SNTG1: variants seen among roughly 807,000 people sequenced by gnomAD.
SNTG1 encodes syntrophin gamma 1.
In SNTG1, 39 loss-of-function variants were observed where a neutral mutation model predicts 74.7. That is an observed-to-expected ratio of 0.52 (90% CI 0.40 to 0.68). The LOEUF (loss-of-function observed/expected upper bound fraction) is 0.68, where lower values mean the gene tolerates loss of function less well. Among genes scored for constraint, SNTG1 ranks in the 30% least tolerant of loss-of-function variants. SNTG1 has a pLI of 0.00. For missense variants in SNTG1, 685 were observed against 609.5 expected (o/e 1.12, Z -1.30); for synonymous variants, 254 against 217.1 (o/e 1.17, Z -1.49).
In SNTG1 at chr8:50,253,072, G is replaced by A. The variant is rs573923336; in HGVS notation, c.-28+80437G>A. On this transcript the variant is annotated intron_variant, in intron 2 of 18. Coordinates refer to ENST00000642720, the MANE Select transcript of SNTG1 (RefSeq NM_018967.5). Reference sequence around the variant, plus strand: ...AGAGACAGGGGAACATTTACACACCGTTGGTGGGACTGTAAATCCGTACAG... The same window carrying A: ...AGAGACAGGGGAACATTTACACACCATTGGTGGGACTGTAAATCCGTACAG... Among the ~76,000 whole-genome samples, 57 of 152,216 alleles carry A rather than the reference G, an allele frequency of 3.7e-4. 1 individual carries two copies. In the South Asian group the frequency reaches 4.4e-3, roughly 12 times the overall value.
At chr8:50,463,633 G>A (rs2093585887) in intron 8 of SNTG1, among the ~76,000 whole-genome samples, 1 of 152,104 alleles carries the variant, frequency 6.6e-6, no homozygotes, top group South Asian at 2.1e-4. Flanking sequence ...CAGATGTCCT[G>A]TCATCTAGGC....
intron 2 of SNTG1, among the ~76,000 whole-genome samples, chr8:50,380,772 G>A (rs185888324): frequency 1.3e-5 from 2 of 152,262 alleles, no homozygotes; most frequent in Non-Finnish European, 1.5e-5. Flanking sequence ...CAAAGATGAA[G>A]TTTAATCAAC....
At chr8:50,453,504 G>C (rs750063655) in intron 8 of SNTG1, among the ~76,000 whole-genome samples, 32 of 152,104 alleles carry the variant, frequency 2.1e-4, no homozygotes, top group Non-Finnish European at 3.4e-4. Context: ...TGCACACATA[G>C]GGCTTCAATG....
At chr8:50,680,135 A>G (rs979296723) in intron 15 of SNTG1, among the ~76,000 whole-genome samples, 1 of 152,078 alleles carries the variant, frequency 6.6e-6, no homozygotes, top group African/African-American at 2.4e-5. Flanking sequence ...AATTCCTAAA[A>G]CTTGCTGAAT....
chr8:50,063,548 C>A (rs1399519945), intron 1 of SNTG1, among the ~76,000 whole-genome samples: 1 of 152,180 alleles, frequency 6.6e-6, no homozygotes, highest in East Asian at 1.9e-4. Flanking sequence ...ATTGGCTTAT[C>A]CCCCTGAGGA....
Position 50,565,757 on chromosome 8 carries a change from AC to A in SNTG1, c.810+12579del, listed in dbSNP as rs2094513101. Among the ~76,000 whole-genome samples the A allele has an allele frequency of 2.0e-5, 3 of 152,178 alleles. No individual in the cohort carries two copies. In the South Asian group the frequency reaches 6.2e-4, roughly 32 times the overall value. ...TTAGCACATAAGCAAATGTGAAATT[AC>A]AACATTCATAGATAATATGAATAAG... On this transcript the variant is annotated intron_variant, in intron 12 of 18. Transcript: ENST00000642720.
At chr8:50,053,847 G>T (rs140655312) in intron 1 of SNTG1, among the ~76,000 whole-genome samples, 1 of 151,772 alleles carries the variant, frequency 6.6e-6, no homozygotes, top group Non-Finnish European at 1.5e-5. Context: ...TCATTTTTCT[G>T]ATGACTTCTC....
intron 1 of SNTG1, among the ~76,000 whole-genome samples, chr8:50,072,787 T>G (rs1821489540): frequency 6.6e-6 from 1 of 152,196 alleles, no homozygotes; most frequent in Admixed American, 6.5e-5. Context: ...AAGGTGAATA[T>G]TGTAATAAAG....
At chr8:50,394,181 C>T (rs2092698771) in intron 2 of SNTG1, 31 bp from the exon 3 acceptor site, 1 of 1,584,142 alleles carries the variant, frequency 6.3e-7, no homozygotes, top group Non-Finnish European at 8.6e-7. Context: ...CATGCTGTGC[C>T]TAATGGCTTA....
intron 2 of SNTG1, among the ~76,000 whole-genome samples, chr8:50,298,810 A>G (rs1287346746): frequency 6.6e-6 from 1 of 152,140 alleles, no homozygotes; most frequent in South Asian, 2.1e-4. Flanking sequence ...TCTGTGTTTC[A>G]GGCTAGGGTT....
chr8:50,230,101 C>T (rs1002497865), intron 2 of SNTG1, among the ~76,000 whole-genome samples: 1 of 151,318 alleles, frequency 6.6e-6, no homozygotes, highest in African/African-American at 2.4e-5. Context: ...GGGTGATTTA[C>T]AGCATTAACA....
chr8:50,078,817 GT>G (rs1480138257), intron 1 of SNTG1, among the ~76,000 whole-genome samples: 1 of 152,104 alleles, frequency 6.6e-6, no homozygotes, highest in African/African-American at 2.4e-5. Context: ...GCAGTTTTTG[GT>G]TTTCTGTTCC....
intron 2 of SNTG1, among the ~76,000 whole-genome samples, chr8:50,269,538 A>T (rs992434264): frequency 3.3e-5 from 5 of 152,126 alleles, no homozygotes; most frequent in Admixed American, 6.6e-5. Context: ...AAATTAATGC[A>T]AAATAAAAAG....
chr8:50,467,894 T>A (rs2131723985), intron 8 of SNTG1, among the ~76,000 whole-genome samples: 1 of 151,960 alleles, frequency 6.6e-6, no homozygotes, highest in East Asian at 1.9e-4. Context: ...ATGACTCACA[T>A]GCTATATAGA....
chr8:50,200,754 T>A (rs2083956250), intron 2 of SNTG1, among the ~76,000 whole-genome samples: 2 of 152,060 alleles, frequency 1.3e-5, no homozygotes, highest in Middle Eastern at 3.4e-3. Flanking sequence ...TAGGCCTCTG[T>A]GAAGGGAAGG....
intron 2 of SNTG1, among the ~76,000 whole-genome samples, chr8:50,276,376 TA>T (rs2088106403): frequency 1.2e-3 from 2 of 1,638 alleles, no homozygotes; most frequent in African/African-American, 1.3e-3. Context: ...GTAAATTTTA[TA>T]TATATATATA....
chr8:50,484,153 C>CTTCT (rs1563453629), intron 8 of SNTG1, among the ~76,000 whole-genome samples: 2 of 32,942 alleles, frequency 6.1e-5, no homozygotes, highest in African/African-American at 1.8e-4. Flanking sequence ...TCTTTCTTTC[C>CTTCT]TTCCTTCCTT....
At chr8:50,661,176 C>G (rs987543232) in intron 15 of SNTG1, among the ~76,000 whole-genome samples, 1 of 152,002 alleles carries the variant, frequency 6.6e-6, no homozygotes, top group Non-Finnish European at 1.5e-5. Flanking sequence ...ATTGAGCTTG[C>G]ATTTTATTAG....
At chr8:50,759,943 C>T (rs992683374) in intron 18 of SNTG1, among the ~76,000 whole-genome samples, 1 of 152,060 alleles carries the variant, frequency 6.6e-6, no homozygotes, top group African/African-American at 2.4e-5. Flanking sequence ...GGCATGTGGC[C>T]ATTTTCATGA....
Sources: gnomAD v4.1 joint callset for allele counts (sites outside exome capture counted in the v4.1 genomes callset) on GRCh38, gnomAD v4.1.1 for gene constraint, MANE v1.5 for transcripts, NCBI Gene and HGNC (gene_info 2026-07-23, HGNC 2026-07-21) for gene names.